Variants in NEK11 observed in about 807,000 individuals in gnomAD.
NEK11 encodes NIMA related kinase 11.
A neutral mutation model predicts 80.7 loss-of-function variants in NEK11; 72 were observed. The ratio of observed to expected loss-of-function variants is 0.89; its 90% CI spans 0.74 to 1.08. The LOEUF (loss-of-function observed/expected upper bound fraction) is 1.08, where lower values mean the gene tolerates loss of function less well. NEK11 is among the 50% of genes least tolerant of loss of function. The probability of loss-of-function intolerance (pLI) is 0.00; values close to 1 mark genes in which losing one functional copy is unlikely to be tolerated. For missense variants in NEK11, 764 were observed against 763.6 expected, an observed-to-expected ratio of 1.00 and a Z score of -0.01; for synonymous variants, 251 against 260.7, an observed-to-expected ratio of 0.96 and a Z score of 0.36.
In NEK11 at chr3:131,234,571, C is replaced by A. The variant is rs542903602; in HGVS notation, c.1560+5883C>A. On this transcript the variant is annotated intron_variant, in intron 15 of 17. Coordinates refer to ENST00000383366, the MANE Select transcript of NEK11 (RefSeq NM_024800.5). ...GTGTCATTCCTTCTAGGTGATGGGC[C>A]TTCTGTAGACTGTGTGTTGCTCAAA... Among the ~76,000 whole-genome samples the A allele has an allele frequency of 2.5e-4, 38 of 152,240 alleles. 1 individual carries two copies. In the Middle Eastern group the frequency reaches 0.01, roughly 41 times the overall value.
At chr3:131,129,350 G>A (rs565940530) in intron 5 of NEK11, among the ~76,000 whole-genome samples, 8 of 152,222 alleles carry the variant, frequency 5.3e-5, no homozygotes, top group Non-Finnish European at 1.0e-4. Context: ...CACTGCACCC[G>A]GCCAACAGTC....
At position 131,349,734 on chromosome 3, in the gene NEK11, G is replaced by C. The variant is rs141585180; in HGVS notation, c.1896G>C (p.Leu632=). 1.2e-5 allele frequency: 20 copies of C among 1,614,176 alleles called. No homozygotes were observed. In the African/African-American group the frequency reaches 2.1e-4, roughly 17 times the overall value. Residue 632 remains leucine, a synonymous_variant, in exon 18 of 18, where the codon CTG becomes CTC. Transcript: ENST00000383366. ...TCCTGTACTTTGAAGAGCAGTTGCT[G>C]ATCACGATGGGAAAAGAACCTACTC... ...DQLLYFEEQL[L]ITMGKEPTLQ... is the part of the protein sequence containing the mutation.
chr3:131,267,252 G>A (rs1183105318), intron 16 of NEK11, among the ~76,000 whole-genome samples: 1 of 152,138 alleles, frequency 6.6e-6, no homozygotes, highest in East Asian at 1.9e-4. Flanking sequence ...TCTTTATTTT[G>A]CTCATTAGTT....
chr3:131,332,935 T>C (rs920155960), intron 17 of NEK11, among the ~76,000 whole-genome samples: 3 of 151,926 alleles, frequency 2.0e-5, no homozygotes, highest in African/African-American at 4.8e-5. Context: ...TAAAAAGAAA[T>C]GAACAAAGCC....
chr3:131,241,372 T>A (rs959436394), intron 15 of NEK11, among the ~76,000 whole-genome samples: 2 of 152,092 alleles, frequency 1.3e-5, no homozygotes, highest in East Asian at 3.9e-4. Flanking sequence ...TGTCCAATGA[T>A]AAGGGTATGG....
intron 17 of NEK11, among the ~76,000 whole-genome samples, chr3:131,287,973 A>G (rs1048174970): frequency 6.6e-6 from 1 of 152,218 alleles, no homozygotes; most frequent in Non-Finnish European, 1.5e-5. Flanking sequence ...TTTGCTGTCC[A>G]ATATTCATAA....
chr3:131,298,508 C>G (rs1300285682), intron 17 of NEK11, among the ~76,000 whole-genome samples: 1 of 152,142 alleles, frequency 6.6e-6, no homozygotes, highest in African/African-American at 2.4e-5. Flanking sequence ...TCAGCAAAGT[C>G]TCAGGATACA....
chr3:131,044,514 A>C (rs2067078264), intron 3 of NEK11, among the ~76,000 whole-genome samples: 1 of 151,760 alleles, frequency 6.6e-6, no homozygotes, highest in South Asian at 2.1e-4. Context: ...CAAAGATTAG[A>C]AGAGACAAAG....
chr3:131,178,024 G>A (rs182860163), intron 14 of NEK11, among the ~76,000 whole-genome samples: 8 of 152,306 alleles, frequency 5.3e-5, no homozygotes, highest in African/African-American at 1.7e-4. Context: ...GCATATTACT[G>A]TCCTGCATAT....
At chr3:131,173,683 T>C (rs2092828536) in intron 14 of NEK11, among the ~76,000 whole-genome samples, 1 of 152,018 alleles carries the variant, frequency 6.6e-6, no homozygotes, top group African/African-American at 2.4e-5. Flanking sequence ...GCAGAGTCTT[T>C]GTCATGTGTC....
intron 5 of NEK11, among the ~76,000 whole-genome samples, chr3:131,130,974 G>A (rs2084342276): frequency 6.6e-6 from 1 of 152,134 alleles, no homozygotes; most frequent in Admixed American, 6.6e-5. Context: ...GCTAACTTTT[G>A]TATTTTTAGT....
chr3:131,110,467 T>C (rs2079925420), intron 5 of NEK11, among the ~76,000 whole-genome samples: 1 of 152,176 alleles, frequency 6.6e-6, no homozygotes, highest in Non-Finnish European at 1.5e-5. Flanking sequence ...TCAATTATTT[T>C]GATTATCTGT....
At chr3:131,168,809 A>G in intron 12 of NEK11, 21 bp from the exon 13 acceptor site, 1 of 1,584,138 alleles carries the variant, frequency 6.3e-7, no homozygotes, top group Admixed American at 1.7e-5. Flanking sequence ...TGCTGAACAG[A>G]CTTTGTCATA....
chr3:131,185,813 A>G (rs2093575497), intron 14 of NEK11, among the ~76,000 whole-genome samples: 3 of 152,342 alleles, frequency 2.0e-5, no homozygotes, highest in Non-Finnish European at 2.9e-5. Flanking sequence ...GAATATTCGT[A>G]CACATTTCAG....
intron 1 of NEK11, 55 bp from the exon 2 acceptor site, chr3:131,027,875 C>T (rs1466171087): frequency 6.6e-6 from 1 of 152,128 alleles, no homozygotes; most frequent in Non-Finnish European, 1.5e-5. Context: ...AAATAAGAGC[C>T]GCTAGAAGTG....
intron 17 of NEK11, among the ~76,000 whole-genome samples, chr3:131,321,222 A>G (rs1452390799): frequency 1.3e-5 from 2 of 152,162 alleles, no homozygotes; most frequent in Non-Finnish European, 2.9e-5. Context: ...CTAATTTTTG[A>G]CAAAGTCTTC....
chr3:131,114,620 T>C (rs1578464801), intron 5 of NEK11, among the ~76,000 whole-genome samples: 2 of 152,114 alleles, frequency 1.3e-5, no homozygotes, highest in East Asian at 1.9e-4. Context: ...ACCAGAGAAG[T>C]CACATGACCA....
At chr3:131,347,087 G>A (rs1280312884) in intron 17 of NEK11, among the ~76,000 whole-genome samples, 1 of 152,138 alleles carries the variant, frequency 6.6e-6, no homozygotes, top group Non-Finnish European at 1.5e-5. Context: ...GGTGACTGAG[G>A]TGACTAGGGA....
At chr3:131,229,270 T>C (rs2095281902) in intron 15 of NEK11, among the ~76,000 whole-genome samples, 1 of 151,948 alleles carries the variant, frequency 6.6e-6, no homozygotes. Context: ...TATAGCAAGA[T>C]TAAGCCTTAT....
Sources: allele counts gnomAD v4.1 joint callset (sites outside exome capture counted in the v4.1 genomes callset), GRCh38; gene constraint gnomAD v4.1.1; transcripts MANE v1.5; gene names NCBI Gene and HGNC (gene_info 2026-07-23, HGNC 2026-07-21).